Variants in ASAP1 observed in about 807,000 individuals in gnomAD.
The protein encoded by ASAP1 is arf-GAP with SH3 domain, ANK repeat and PH domain-containing protein 1.
Under a neutral mutation model 145.2 loss-of-function variants are expected in ASAP1, and 43 were observed. The ratio of observed to expected loss-of-function variants is 0.30; its 90% confidence interval spans 0.23 to 0.38. The LOEUF is 0.38. Among genes scored for constraint, ASAP1 ranks in the 10% least tolerant of loss-of-function variants. ASAP1 has a pLI of 1.00. For synonymous variants in ASAP1, 546 were observed against 515.5 expected, an observed-to-expected ratio of 1.06 and a Z score of -0.80; for missense variants, 1,018 against 1,355.3, an observed-to-expected ratio of 0.75 and a Z score of 3.91.
chr8:130,391,536 T>A (rs35305115), intron 2 of ASAP1, among the ~76,000 whole-genome samples: 5 of 152,206 alleles, frequency 3.3e-5, no homozygotes, highest in Non-Finnish European at 7.3e-5. Flanking sequence ...TCAGTCCTCA[T>A]GGCTTTGAGA....
At chr8:130,099,042 A>C (rs1253107982) in intron 24 of ASAP1, among the ~76,000 whole-genome samples, 5 of 119,398 alleles carry the variant, frequency 4.2e-5, no homozygotes, top group East Asian at 2.5e-4. Flanking sequence ...AGACAGTCTC[A>C]CTCTGTTGCC....
intron 3 of ASAP1, among the ~76,000 whole-genome samples, chr8:130,348,247 G>A (rs534937173): frequency 2.0e-5 from 3 of 152,170 alleles, no homozygotes; most frequent in South Asian, 2.1e-4. Context: ...CACCCAAAAC[G>A]CATCTGGCAG....
chr8:130,186,640 C>T (rs1360499997), intron 7 of ASAP1, among the ~76,000 whole-genome samples: 1 of 152,166 alleles, frequency 6.6e-6, no homozygotes, highest in Non-Finnish European at 1.5e-5. Flanking sequence ...AGTGCCCATG[C>T]TATGCTGAGG....
At chr8:130,070,663 A>G (rs2097441171) in intron 27 of ASAP1, among the ~76,000 whole-genome samples, 2 of 151,824 alleles carry the variant, frequency 1.3e-5, no homozygotes, top group Middle Eastern at 3.4e-3. Flanking sequence ...AGTTACCCCT[A>G]TGACATCTGA....
chr8:130,292,863 G>A (rs527806202), intron 3 of ASAP1, among the ~76,000 whole-genome samples: 25 of 152,342 alleles, frequency 1.6e-4, no homozygotes, highest in African/African-American at 5.3e-4. Flanking sequence ...AAGCAGAGAT[G>A]AGATGATCTC....
At chr8:130,345,737 C>CA (rs918717556) in intron 3 of ASAP1, among the ~76,000 whole-genome samples, 4 of 152,174 alleles carry the variant, frequency 2.6e-5, no homozygotes, top group Non-Finnish European at 5.9e-5. Flanking sequence ...CCAAGAAAGC[C>CA]AAGGCAGGCC....
At position 130,060,503 on chromosome 8, in the gene ASAP1, T is replaced by G. The variant is rs954959930; in HGVS notation, c.3192+76A>C. ...AAGCTCTCACTTTTTCTTGTGTAAG[T>G]TGGAGCACCTGCCCTCCCACCAACT... On this transcript the variant is annotated intron_variant, in intron 28 of 29. Coordinates refer to ENST00000518721, the MANE Select transcript of ASAP1 (RefSeq NM_018482.4). 6 of 1,512,498 alleles carry G rather than the reference T, an allele frequency of 4.0e-6. No individual in the cohort carries two copies. In the African/African-American group the frequency reaches 8.4e-5, roughly 21 times the overall value. 93.7% of individuals were successfully genotyped at this position (1,512,498 alleles called of 1,614,324 possible).
chr8:130,097,642 T>C (rs368480833), intron 24 of ASAP1, among the ~76,000 whole-genome samples: 4 of 152,226 alleles, frequency 2.6e-5, no homozygotes, highest in East Asian at 3.8e-4. Flanking sequence ...AGGCAGTGTA[T>C]TGCAGAAGTG....
intron 4 of ASAP1, among the ~76,000 whole-genome samples, chr8:130,233,289 T>C (rs1266207615): frequency 2.0e-5 from 3 of 152,190 alleles, no homozygotes; most frequent in Non-Finnish European, 4.4e-5. Flanking sequence ...TAATAGCTGG[T>C]CTCAGAGAGC....
intron 1 of ASAP1, among the ~76,000 whole-genome samples, chr8:130,405,779 C>T (rs971835500): frequency 6.6e-6 from 1 of 152,170 alleles, no homozygotes; most frequent in Non-Finnish European, 1.5e-5. Context: ...CGTACCTCAC[C>T]CACGGCACTT....
At chr8:130,338,144 A>G (rs1284629228) in intron 3 of ASAP1, among the ~76,000 whole-genome samples, 1 of 152,210 alleles carries the variant, frequency 6.6e-6, no homozygotes, top group Non-Finnish European at 1.5e-5. Flanking sequence ...CCTCACCCTC[A>G]CAACAGACCC....
chr8:130,109,807 C>T (rs1463621560), intron 24 of ASAP1, among the ~76,000 whole-genome samples: 1 of 152,202 alleles, frequency 6.6e-6, no homozygotes, highest in Non-Finnish European at 1.5e-5. Flanking sequence ...GGATATCGCA[C>T]ACTTCAAATC....
intron 2 of ASAP1, among the ~76,000 whole-genome samples, chr8:130,380,101 T>A (rs1186817917): frequency 6.6e-6 from 1 of 152,122 alleles, no homozygotes; most frequent in South Asian, 2.1e-4. Flanking sequence ...AGGTCTCAGG[T>A]TGGGTTCCCC....
At chr8:130,195,308 G>A (rs1815406939) in intron 5 of ASAP1, 1 of 150,588 alleles carries the variant, frequency 6.6e-6, no homozygotes, top group East Asian at 1.9e-4. Flanking sequence ...GGGCCAAGGT[G>A]TGGGAACTGC....
chr8:130,195,498 T>C (rs1815424642), intron 5 of ASAP1: 1 of 151,978 alleles, frequency 6.6e-6, no homozygotes, highest in African/African-American at 2.4e-5. Context: ...ATCCTGCCAC[T>C]GCCTGAGTGA....
chr8:130,195,048 TA>T (rs1350071309), intron 5 of ASAP1: 2 of 152,172 alleles, frequency 1.3e-5, no homozygotes, highest in East Asian at 3.8e-4. Context: ...ATTATATAAT[TA>T]TTTCCCATTG....
At chr8:130,273,350 C>T (rs1044361518) in intron 3 of ASAP1, among the ~76,000 whole-genome samples, 9 of 152,128 alleles carry the variant, frequency 5.9e-5, no homozygotes, top group African/African-American at 2.2e-4. Context: ...TGAAGTTCAG[C>T]GGTCCCTCCC....
chr8:130,136,872 A>G, intron 14 of ASAP1, 79 bp downstream of exon 14: 1 of 1,233,462 alleles, frequency 8.1e-7, no homozygotes, highest in South Asian at 1.2e-5. Flanking sequence ...CTGCTTGGAA[A>G]AGCTGCTGAC....
chr8:130,355,265 A>G (rs187869850), intron 3 of ASAP1, among the ~76,000 whole-genome samples: 1 of 152,278 alleles, frequency 6.6e-6, no homozygotes, highest in African/African-American at 2.4e-5. Flanking sequence ...AACACACCAC[A>G]ATCTCTACCA....
Sources: allele counts gnomAD v4.1 joint callset (sites outside exome capture counted in the v4.1 genomes callset), GRCh38; gene constraint gnomAD v4.1.1; transcripts MANE v1.5; gene names NCBI Gene and HGNC (gene_info 2026-07-23, HGNC 2026-07-21).